Variants in ANO5 observed in about 807,000 individuals in gnomAD.
ANO5 encodes the protein anoctamin-5.
A neutral mutation model predicts 121.0 loss-of-function variants in ANO5; 109 were observed. The observed-to-expected ratio is 0.90, with a 90% confidence interval of 0.77 to 1.06. The LOEUF (loss-of-function observed/expected upper bound fraction) is 1.06. Among genes scored for constraint, ANO5 ranks in the 50% least tolerant of loss-of-function variants. The probability of loss-of-function intolerance (pLI) is 0.00; values close to 1 mark genes in which losing one functional copy is unlikely to be tolerated. For synonymous variants in ANO5, 406 were observed against 359.9 expected, an observed-to-expected ratio of 1.13 and a Z score of -1.45; for missense variants, 1,064 against 1,078.5, an observed-to-expected ratio of 0.99 and a Z score of 0.19.
intron 1 of ANO5, among the ~76,000 whole-genome samples, chr11:22,197,059 A>G (rs1382104373): frequency 6.6e-6 from 1 of 152,188 alleles, no homozygotes; most frequent in Non-Finnish European, 1.5e-5. Flanking sequence ...TTGATTTTGT[A>G]TGTGCTTTCT....
rs12577575 is a variant in ANO5 at position 22,202,528 on chromosome 11, C to T, written c.41-1276C>T. On this transcript the variant is annotated intron_variant, in intron 1 of 21. Coordinates refer to ENST00000324559, the MANE Select transcript of ANO5 (RefSeq NM_213599.3). ...TACTTATAAGAACAAGCATTTATTT[C>T]TCACAGTTCTGGGTGCTATGAAGTC... Among the ~76,000 whole-genome samples the T allele has an allele frequency of 0.013, 2,052 of 152,072 alleles. 151 individuals carry two copies. The East Asian group carries it at 0.21, about 16-fold the overall frequency.
Position 22,227,585 on chromosome 11 carries a change from T to C in ANO5, c.647T>C (p.Ile216Thr), listed in dbSNP as rs759481080. The change falls in exon 7 of 22, where the codon ATT becomes ACT. Residue 216 changes from isoleucine (I) to threonine (T), a missense_variant and splice_region_variant. Physicochemically the swap from Ile to Thr is moderately conservative, Grantham distance 89. Transcript: ENST00000324559. ...TFFPSSSRNR[I>T]VYYILSRCPF... ...TTTCCATCCTCATCAAGAAACAGAA[T>C]TGTAGGTAGAGAAGACCTTTGGGCA... The C allele has an allele frequency of 2.5e-6, 4 of 1,613,270 alleles. No homozygotes were observed. The highest frequency in any genetic ancestry group is 2.2e-5 in the East Asian group (1 of 44,834).
In ANO5 at chr11:22,257,762, T is replaced by C. The variant is rs777587748; in HGVS notation, c.1407+8T>C. 2 of 1,603,910 alleles carry C rather than the reference T, an allele frequency of 1.2e-6. No individual in the cohort carries two copies. Among genetic ancestry groups the C allele is most frequent in the Non-Finnish European group, 1.7e-6 (2 of 1,171,106 alleles). ...GCCACAGTGACATTATGGGTGAGCA[T>C]TTCTTTAAAAATTGCTATAATTTCT... On this transcript the variant is annotated splice_region_variant and intron_variant, in intron 14 of 21. Transcript: ENST00000324559.
At position 22,262,288 on chromosome 11, in the gene ANO5, G is replaced by A. The variant is rs1854215396; in HGVS notation, c.1790G>A (p.Arg597Lys). The change falls in exon 16 of 22, where the codon AGA becomes AAA. Residue 597 changes from arginine to lysine, a missense_variant. Transcript: ENST00000324559. ...TACACATATTTATTTAATGAGTGGA[G>A]AAGTGAAGAGGTAAGAATTTCCTTG... ...GKYTYLFNEWRSEECDPGGCL... is the reference protein window; with the variant it reads ...GKYTYLFNEWKSEECDPGGCL... 6.2e-7 allele frequency: 1 copy of A among 1,613,658 alleles called. No homozygotes were observed. The highest frequency in any genetic ancestry group is 1.1e-5 in the South Asian group (1 of 91,070).
chr11:22,270,442 G>T lies in ANO5; in HGVS notation c.2029G>T (p.Val677Phe). 6.2e-7 allele frequency: 1 copy of T among 1,614,024 alleles called. No individual in the cohort carries two copies. ...GCTTTTCTATGAGTACTTAGAAACA[G>T]GTAATTTTTAACCACTGTTTTGAAA... ...LGLFYEYLET[V>F]TQFGFVTLFV... Residue 677 changes from valine to phenylalanine, a missense_variant and splice_region_variant, in exon 18 of 22, where the codon GTT becomes TTT. Physicochemically the swap from Val to Phe is conservative, Grantham distance 50. Transcript: ENST00000324559.
intron 5 of ANO5, among the ~76,000 whole-genome samples, chr11:22,224,286 T>C (rs4561215): frequency 0.69 from 104,919 of 151,770 alleles, 37,822 homozygotes; most frequent in Non-Finnish European, 0.81. Flanking sequence ...CCAGAATTCA[T>C]TTTTCCAGTC....
chr11:22,243,091 T>C (rs555508015), intron 9 of ANO5, among the ~76,000 whole-genome samples: 2 of 152,188 alleles, frequency 1.3e-5, no homozygotes, highest in African/African-American at 4.8e-5. Flanking sequence ...ACCAAGACTA[T>C]TGAGGGTTTT....
At chr11:22,203,921 C>A in intron 2 of ANO5, 71 bp downstream of exon 2, 1 of 1,044,016 alleles carries the variant, frequency 9.6e-7, no homozygotes, top group Non-Finnish European at 1.4e-6. Context: ...TTAACTAAGC[C>A]TTTGTACTTA....
intron 5 of ANO5, among the ~76,000 whole-genome samples, chr11:22,221,670 G>C (rs1349999383): frequency 1.3e-5 from 2 of 151,790 alleles, no homozygotes; most frequent in Non-Finnish European, 2.9e-5. Flanking sequence ...CTTGTTTGCT[G>C]TCTCCAACAC....
intron 5 of ANO5, among the ~76,000 whole-genome samples, chr11:22,224,402 G>C (rs1043693190): frequency 6.6e-6 from 1 of 152,016 alleles, no homozygotes; most frequent in Non-Finnish European, 1.5e-5. Context: ...AAATAGAATA[G>C]AGAATCCAGA....
intron 5 of ANO5, among the ~76,000 whole-genome samples, chr11:22,223,056 A>G (rs1852706355): frequency 1.3e-5 from 2 of 151,990 alleles, no homozygotes; most frequent in African/African-American, 4.8e-5. Context: ...TGTGTAAGCT[A>G]TCTTACTTTC....
chr11:22,280,051 T>G lies in ANO5; in HGVS notation c.*286T>G. ...GTAGAATCAGAATACTGGGAAATTATGGAGTCTTGCAGTTTAGTAAGAAAC... is the reference window on the plus strand; with the variant it reads ...GTAGAATCAGAATACTGGGAAATTAGGGAGTCTTGCAGTTTAGTAAGAAAC... On this transcript the variant is annotated 3_prime_UTR_variant, in exon 22 of 22. Coordinates refer to ENST00000324559, the MANE Select transcript of ANO5 (RefSeq NM_213599.3). The G allele has an allele frequency of 2.6e-6, 1 of 385,340 alleles. No individual in the cohort carries two copies. Among genetic ancestry groups the G allele is most frequent in the South Asian group, 3.0e-5 (1 of 33,124 alleles). The allele number at this position is 385,340 out of a possible 1,614,324, so 23.9% of individuals were successfully genotyped here. A position where few individuals can be genotyped will look rare whatever the true frequency, so the allele number is the denominator to read the frequency against.
At position 22,204,967 on chromosome 11, in the gene ANO5, T is replaced by C. The variant is rs184271749; in HGVS notation, c.87+1117T>C. On this transcript the variant is annotated intron_variant, in intron 2 of 21. Coordinates refer to ENST00000324559, the MANE Select transcript of ANO5 (RefSeq NM_213599.3). ...AACCTAAATGCCCATCAATGATAGA[T>C]TGGATAAAGAAAATGTGATACATAT... is the stretch of plus-strand genomic sequence containing the variant. Among the ~76,000 whole-genome samples, 69 of 152,108 alleles carry C rather than the reference T, an allele frequency of 4.5e-4. 1 individual carries two copies. The South Asian group carries it at 6.6e-3, about 15-fold the overall frequency.
intron 2 of ANO5, among the ~76,000 whole-genome samples, chr11:22,205,441 G>A (rs565397187): frequency 2.0e-5 from 3 of 152,060 alleles, no homozygotes; most frequent in African/African-American, 7.2e-5. Flanking sequence ...ATAGGACAGT[G>A]ATTTTATAGT....
At chr11:22,195,731 C>T (rs1299503844) in intron 1 of ANO5, among the ~76,000 whole-genome samples, 1 of 152,184 alleles carries the variant, frequency 6.6e-6, no homozygotes, top group Non-Finnish European at 1.5e-5. Flanking sequence ...AATGCCCAGT[C>T]ACACTCCCCC....
At chr11:22,224,780 TA>T (rs1338318982) in intron 5 of ANO5, among the ~76,000 whole-genome samples, 1 of 151,952 alleles carries the variant, frequency 6.6e-6, no homozygotes, top group Non-Finnish European at 1.5e-5. Flanking sequence ...GATGAATAGA[TA>T]AAGAAAACGT....
At chr11:22,201,479 T>C (rs530033428) in intron 1 of ANO5, among the ~76,000 whole-genome samples, 1 of 152,280 alleles carries the variant, frequency 6.6e-6, no homozygotes, top group Non-Finnish European at 1.5e-5. Context: ...AGCTGATATC[T>C]GAAGGATGTG....
chr11:22,211,268 G>A lies in ANO5; in HGVS notation c.92G>A (p.Ser31Asn). Residue 31 changes from serine to asparagine, a missense_variant, in exon 3 of 22, where the codon AGC becomes AAC. Transcript: ENST00000324559. ...IDYSFQMSEQ[S>N]LSSRETSFLI... ...ATCTTCCCCTGGTACTGTTAGCAGAGCCTGAGCAGCAGAGAGACCAGCTTT... is the reference window on the plus strand; with the variant it reads ...ATCTTCCCCTGGTACTGTTAGCAGAACCTGAGCAGCAGAGAGACCAGCTTT... The A allele has an allele frequency of 6.2e-7, 1 of 1,612,076 alleles. No homozygotes were observed. The highest frequency in any genetic ancestry group is 8.5e-7 in the Non-Finnish European group (1 of 1,178,586).
At chr11:22,260,336 G>A (rs1382503605) in intron 15 of ANO5, among the ~76,000 whole-genome samples, 1 of 152,170 alleles carries the variant, frequency 6.6e-6, no homozygotes, top group African/African-American at 2.4e-5. Flanking sequence ...CTTTTTCCTG[G>A]CAAGTTAGCA....
Sources: gnomAD v4.1 joint callset for allele counts (sites outside exome capture counted in the v4.1 genomes callset) on GRCh38, gnomAD v4.1.1 for gene constraint, MANE v1.5 for transcripts, NCBI Gene and HGNC (gene_info 2026-07-23, HGNC 2026-07-21) for gene names.